CTDP1: variants seen among roughly 807,000 people sequenced by gnomAD.
CTDP1 encodes the protein RNA polymerase II subunit A C-terminal domain phosphatase.
A neutral mutation model predicts 91.8 loss-of-function variants in CTDP1; 47 were observed. The observed-to-expected ratio is 0.51, with a 90% CI of 0.41 to 0.65. CTDP1 has a LOEUF of 0.65. Among genes scored for constraint, CTDP1 ranks in the 30% least tolerant of loss-of-function variants. The pLI is 0.00. For synonymous variants in CTDP1, 656 were observed against 598.5 expected (o/e 1.10, Z -1.40); for missense variants, 1,272 against 1,373.7 (o/e 0.93, Z 1.17).
chr18:79,695,894 T>C (rs2085736319), intron 2 of CTDP1, 83 bp from the exon 3 acceptor site: 5 of 1,105,078 alleles, frequency 4.5e-6, no homozygotes, highest in Non-Finnish European at 6.9e-6. Context: ...AAACATCAGC[T>C]AGAATCCTGT....
chr18:79,715,043 C>G lies in CTDP1; in HGVS notation c.1583C>G (p.Pro528Arg). ...GGCGCGCATGCCCCGGACAAGGAGC[C>G]TGAGCTGGGTGGGCAGGAGGAGGGC... Reference protein sequence around the residue: ...EPGAHAPDKEPELGGQEEGER... With the variant: ...EPGAHAPDKERELGGQEEGER... The change falls in exon 8 of 13, where the codon CCT becomes CGT. Residue 528 changes from proline (P) to arginine (R), a missense_variant. Pro to Arg is a moderately radical substitution (Grantham distance 103). This residue lies in a region of CTDP1 where 881 missense variants were observed against 911.6 expected (regional missense o/e 0.97). Coordinates refer to ENST00000613122, the MANE Select transcript of CTDP1 (RefSeq NM_004715.5). 1 of 1,609,082 alleles carries G rather than the reference C, an allele frequency of 6.2e-7. No homozygotes were observed. The highest frequency in any genetic ancestry group is 8.5e-7 in the Non-Finnish European group (1 of 1,178,402).
rs957294014 is a variant in CTDP1, at chr18:79,754,026, A to G, written c.*236A>G. The G allele has an allele frequency of 2.7e-5, 16 of 599,208 alleles. No homozygotes were observed. Among genetic ancestry groups the G allele is most frequent in the African/African-American group, 3.7e-5 (2 of 53,770 alleles). 37.1% of individuals were successfully genotyped at this position (599,208 alleles called of 1,614,324 possible). On this transcript the variant is annotated 3_prime_UTR_variant, in exon 13 of 13. Coordinates refer to ENST00000613122, the MANE Select transcript of CTDP1 (RefSeq NM_004715.5). ...GTTAAAGGCCCAGGTGTGCTGTGCC[A>G]AAGAGCTCAGCAGAGGCTCACGTGG...
At position 79,753,855 on chromosome 18, in the gene CTDP1, C is replaced by T. The variant is rs1214485096; in HGVS notation, c.*65C>T. On this transcript the variant is annotated 3_prime_UTR_variant, in exon 13 of 13. Transcript: ENST00000613122. The stretch of plus-strand genomic sequence containing the variant: ...CAGCAGCACTCGGACGTCCCCGGAC[C>T]AGCCCTCAGTCTCGGTCCACGCTGC... 2.5e-6 allele frequency: 4 copies of T among 1,576,098 alleles called. No homozygotes were observed. The highest frequency in any genetic ancestry group is 3.4e-6 in the Non-Finnish European group (4 of 1,160,764).
intron 12 of CTDP1, among the ~76,000 whole-genome samples, chr18:79,748,568 G>A (rs555685819): frequency 5.3e-5 from 8 of 152,344 alleles, no homozygotes; most frequent in African/African-American, 1.9e-4. Context: ...TGAGGTCCAG[G>A]CCCCTGCTGT....
intron 3 of CTDP1, among the ~76,000 whole-genome samples, chr18:79,696,529 G>A (rs1031961842): frequency 7.9e-5 from 12 of 152,256 alleles, no homozygotes; most frequent in South Asian, 4.1e-4. Flanking sequence ...GGGTAGGGGC[G>A]GGGGGACGTG....
intron 11 of CTDP1, among the ~76,000 whole-genome samples, chr18:79,733,192 G>A (rs966177325): frequency 1.4e-4 from 21 of 152,062 alleles, no homozygotes; most frequent in Non-Finnish European, 2.6e-4. Context: ...TGCGTTTGTC[G>A]TGTGTGGATC....
chr18:79,696,006 T>G lies in CTDP1; in HGVS notation c.428T>G (p.Val143Gly), dbSNP rs1043190070. 2 of 1,612,614 alleles carry G rather than the reference T, an allele frequency of 1.2e-6. No individual in the cohort carries two copies. Among genetic ancestry groups the G allele is most frequent in the Admixed American group, 1.7e-5 (1 of 60,006 alleles). ...QLQSKNGKQQVPLSTATVSMV... is the reference protein window; with the variant it reads ...QLQSKNGKQQGPLSTATVSMV... The stretch of plus-strand genomic sequence containing the variant: ...CAGAGTAAGAACGGGAAGCAGCAGG[T>G]GCCGCTGTCCACGGCGACCGTGTCC... The change falls in exon 3 of 13, where the codon GTG becomes GGG. Residue 143 changes from valine to glycine, a missense_variant. Coordinates refer to ENST00000613122, the MANE Select transcript of CTDP1 (RefSeq NM_004715.5).
chr18:79,680,719 C>G (rs1479503467), intron 1 of CTDP1: 1 of 153,368 alleles, frequency 6.5e-6, no homozygotes, highest in East Asian at 1.9e-4. Context: ...TGGTGCAGTT[C>G]TGTTTCGTGG....
At chr18:79,748,801 A>G (rs1456111947) in intron 12 of CTDP1, among the ~76,000 whole-genome samples, 1 of 151,636 alleles carries the variant, frequency 6.6e-6, no homozygotes, top group Admixed American at 6.6e-5. Context: ...GTGAGCCGTG[A>G]CTGCCTGGGA....
In CTDP1 at chr18:79,680,206, C is replaced by A. The variant is rs112059691; in HGVS notation, c.259C>A (p.Arg87Ser). 1 of 1,374,476 alleles carries A rather than the reference C, an allele frequency of 7.3e-7. No individual in the cohort carries two copies. Among genetic ancestry groups the A allele is most frequent in the Non-Finnish European group, 9.3e-7 (1 of 1,070,422 alleles). 85.1% of individuals were successfully genotyped at this position (1,374,476 alleles called of 1,614,324 possible). Reference protein sequence around the residue: ...ARPERRLRSERAGVVRELCAQ... With the variant: ...ARPERRLRSESAGVVRELCAQ... Reference sequence around the variant, plus strand: ...GCCGGAACGCAGGCTGAGGTCGGAGCGCGCGGGCGTGGTGCGGGAGCTGTG... The same window carrying A: ...GCCGGAACGCAGGCTGAGGTCGGAGAGCGCGGGCGTGGTGCGGGAGCTGTG... The change falls in exon 1 of 13, where the codon CGC (arginine) becomes AGC (serine). Residue 87 changes from arginine to serine, a missense_variant. By Grantham distance (110) the Arg-to-Ser change is moderately radical (BLOSUM62 -1). Transcript: ENST00000613122.
At chr18:79,678,029 C>A (rs897890630), upstream of CTDP1, 1 of 152,166 alleles carries the variant, frequency 6.6e-6, no homozygotes, top group Non-Finnish European at 1.5e-5. Context: ...AGGGTAGGGG[C>A]TGGAGAAAGC....
upstream of CTDP1, among the ~76,000 whole-genome samples, chr18:79,677,052 A>G (rs1346809694): frequency 2.0e-5 from 3 of 152,264 alleles, no homozygotes; most frequent in Non-Finnish European, 4.4e-5. Flanking sequence ...AAGTCCATAC[A>G]TAACACACGG....
chr18:79,715,100 G>A lies in CTDP1; in HGVS notation c.1640G>A (p.Gly547Asp). The change falls in exon 8 of 13, where the codon GGC (glycine) becomes GAC (aspartate). Residue 547 changes from glycine (G) to aspartate (D), a missense_variant. By Grantham distance (94) the Gly-to-Asp change is moderately conservative (BLOSUM62 -1). Coordinates refer to ENST00000613122, the MANE Select transcript of CTDP1 (RefSeq NM_004715.5). ...GATGGCCTCTGCGGCCTGGGCAACG[G>A]CTGTGCCGACAGGAAGGAGGCGGAG... is the stretch of plus-strand genomic sequence containing the variant. ...ERDGLCGLGN[G>D]CADRKEAETE... is the part of the protein sequence containing the mutation. 6.2e-7 allele frequency: 1 copy of A among 1,613,226 alleles called. No homozygotes were observed. The highest frequency in any genetic ancestry group is 2.2e-5 in the East Asian group (1 of 44,856).
intron 1 of CTDP1, among the ~76,000 whole-genome samples, chr18:79,693,467 G>A (rs1227001516): frequency 1.3e-5 from 2 of 152,156 alleles, no homozygotes. Context: ...TACAGGTTGA[G>A]TCTCCCATAT....
chr18:79,733,448 G>A (rs2086605208), intron 11 of CTDP1, among the ~76,000 whole-genome samples: 1 of 152,198 alleles, frequency 6.6e-6, no homozygotes. Flanking sequence ...GGGTTGAGGT[G>A]GGGCCCGTCT....
intron 6 of CTDP1, among the ~76,000 whole-genome samples, chr18:79,712,705 C>T (rs998451304): frequency 1.3e-5 from 2 of 152,126 alleles, no homozygotes; most frequent in African/African-American, 2.4e-5. Flanking sequence ...CCCCGTGGCC[C>T]GTAATGCCTA....
intron 12 of CTDP1, among the ~76,000 whole-genome samples, chr18:79,749,360 C>T (rs1368344604): frequency 1.3e-5 from 2 of 152,112 alleles, no homozygotes; most frequent in Middle Eastern, 3.4e-3. Flanking sequence ...GCCCCTGATA[C>T]GTCCAACCCA....
chr18:79,700,084 C>T (rs1352805988), intron 4 of CTDP1, among the ~76,000 whole-genome samples: 1 of 152,178 alleles, frequency 6.6e-6, no homozygotes, highest in Non-Finnish European at 1.5e-5. Context: ...GTCCTGACTG[C>T]TCCACCAACT....
At chr18:79,733,460 C>A (rs1448096988) in intron 11 of CTDP1, among the ~76,000 whole-genome samples, 1 of 152,208 alleles carries the variant, frequency 6.6e-6, no homozygotes, top group Non-Finnish European at 1.5e-5. Context: ...GGCCCGTCTC[C>A]TGTACACCCC....
Sources: gnomAD v4.1 joint callset for allele counts (sites outside exome capture counted in the v4.1 genomes callset) on GRCh38, gnomAD v4.1.1 for gene constraint, gnomAD v4.1.1 regional missense constraint, MANE v1.5 for transcripts, NCBI Gene and HGNC (gene_info 2026-07-23, HGNC 2026-07-21) for gene names.